The following CISTR variants were observed in gnomAD, a reference collection of about 807,000 sequenced individuals.
The protein encoded by CISTR is chondrogenesis-associated transcript.
chr12:53,752,326 C>A (rs1425303577), intron 1 of CISTR, among the ~76,000 whole-genome samples: 1 of 152,170 alleles, frequency 6.6e-6, no homozygotes, highest in Non-Finnish European at 1.5e-5. Context: ...GAATTTGGCT[C>A]GTGTCCTTCT....
chr12:53,751,560 C>G lies in CISTR; in HGVS notation n.415-595G>C, dbSNP rs1293738141. Among the ~76,000 whole-genome samples, 2 of 152,186 alleles carry G rather than the reference C, an allele frequency of 1.3e-5. No individual in the cohort carries two copies. The highest frequency in any genetic ancestry group is 2.9e-5 in the Non-Finnish European group (2 of 68,030). Reference sequence around the variant, plus strand: ...GGCGCGCAGGACTCCCTGGTGGGCCCTCAGCCTCCTCCGCGCGGCGCGGAC... The same window carrying G: ...GGCGCGCAGGACTCCCTGGTGGGCCGTCAGCCTCCTCCGCGCGGCGCGGAC... On this transcript the variant is annotated intron_variant and non_coding_transcript_variant, in intron 1 of 2. Transcript: ENST00000669269. The surrounding 1 kb of genome is among the most constrained non-coding windows in gnomAD (Gnocchi z 4.6).
intron 1 of CISTR, among the ~76,000 whole-genome samples, chr12:53,754,959 C>T (rs1020295352): frequency 2.6e-5 from 4 of 152,298 alleles, no homozygotes; most frequent in East Asian, 1.9e-4. Context: ...CCTCTCCTGC[C>T]TTTGCACTCC....
At chr12:53,746,627 G>C (rs545089052) in exon 3 of CISTR, among the ~76,000 whole-genome samples, 2 of 152,308 alleles carry the variant, frequency 1.3e-5, no homozygotes, top group East Asian at 3.9e-4. Context: ...AGGGATGCAA[G>C]GATTCCTGAA....
intron 2 of CISTR, among the ~76,000 whole-genome samples, chr12:53,748,010 T>A (rs1026649724): frequency 3.3e-5 from 5 of 152,180 alleles, no homozygotes; most frequent in Non-Finnish European, 5.9e-5. Context: ...CATGTAGATA[T>A]CTGGGTGGGA....
chr12:53,753,079 CACACACACACAGAG>C (rs1390480999), intron 1 of CISTR, among the ~76,000 whole-genome samples: 57 of 124,116 alleles, frequency 4.6e-4, no homozygotes, highest in African/African-American at 6.7e-4. Flanking sequence ...CACACACACA[CACACACACACAGAG>C]AGAGACACAC....
chr12:53,750,334 G>A (rs1279249332), exon 2 of CISTR: 1 of 152,620 alleles, frequency 6.6e-6, no homozygotes, highest in East Asian at 1.9e-4. Context: ...TGATGGTGCT[G>A]AGGCAGGTGA....
intron 1 of CISTR, among the ~76,000 whole-genome samples, chr12:53,752,117 G>A (rs927621390): frequency 6.6e-6 from 1 of 151,790 alleles, no homozygotes; most frequent in African/African-American, 2.4e-5. Context: ...ACCCCCTTGG[G>A]CTCCCCTCCA....
chr12:53,752,741 G>C (rs1937869276), intron 1 of CISTR, among the ~76,000 whole-genome samples: 1 of 152,170 alleles, frequency 6.6e-6, no homozygotes, highest in Non-Finnish European at 1.5e-5. Flanking sequence ...AATGCACTAG[G>C]CTCTGATTGC....
chr12:53,747,545 G>A (rs781303250), intron 2 of CISTR, among the ~76,000 whole-genome samples: 2 of 152,262 alleles, frequency 1.3e-5, no homozygotes, highest in Admixed American at 6.5e-5. Context: ...GGGATTTGGA[G>A]CTGAGATTTG....
intron 1 of CISTR, among the ~76,000 whole-genome samples, chr12:53,754,149 T>A (rs1267226748): frequency 2.0e-5 from 3 of 152,170 alleles, no homozygotes; most frequent in Non-Finnish European, 4.4e-5. Flanking sequence ...GCTTGAGACC[T>A]CTTTCCTGGC....
At chr12:53,748,301 C>T (rs949168738) in intron 2 of CISTR, among the ~76,000 whole-genome samples, 1 of 152,198 alleles carries the variant, frequency 6.6e-6, no homozygotes, top group Non-Finnish European at 1.5e-5. Flanking sequence ...GCGCCAGCGC[C>T]CCCCCAACTC....
At chr12:53,753,809 G>A (rs1408188177) in intron 1 of CISTR, among the ~76,000 whole-genome samples, 1 of 152,090 alleles carries the variant, frequency 6.6e-6, no homozygotes, top group African/African-American at 2.4e-5. Context: ...GAGAGCCTGG[G>A]CTGAGATGTT....
exon 3 of CISTR, among the ~76,000 whole-genome samples, chr12:53,746,712 A>G (rs143880357): frequency 7.2e-5 from 11 of 152,284 alleles, no homozygotes; most frequent in African/African-American, 2.6e-4. Flanking sequence ...CCTTGCCTGG[A>G]TTCCAGACAG....
Position 53,751,056 on chromosome 12 carries a change from T to TCA in CISTR, n.415-93_415-92dup, listed in dbSNP as rs201109510. ...CATGAGCAGCCAAAGGGACGGACAC[T>TCA]CACACACACACACACGCACACACTC... On this transcript the variant is annotated intron_variant and non_coding_transcript_variant, in intron 1 of 2. Coordinates refer to ENST00000669269, the Ensembl canonical transcript of CISTR. This position sits in a 1 kb window ranked among gnomAD's most constrained non-coding sequence, Gnocchi z 4.6. The TCA allele has an allele frequency of 4.0e-4, 60 of 151,360 alleles. No homozygotes were observed. The highest frequency in any genetic ancestry group is 8.2e-4 in the African/African-American group (34 of 41,238). 9.4% of individuals were successfully genotyped at this position (151,360 alleles called of 1,614,324 possible).
intron 2 of CISTR, among the ~76,000 whole-genome samples, chr12:53,749,627 G>A (rs1565658679): frequency 6.6e-6 from 1 of 151,882 alleles, no homozygotes; most frequent in Admixed American, 6.6e-5. Flanking sequence ...CTTTAACATA[G>A]CAGGTTTCAG....
chr12:53,748,870 G>T (rs1461393184), intron 2 of CISTR, among the ~76,000 whole-genome samples: 1 of 152,158 alleles, frequency 6.6e-6, no homozygotes, highest in Non-Finnish European at 1.5e-5. Flanking sequence ...TCAGGTAGAG[G>T]TTGCAGGGGG....
Position 53,751,960 on chromosome 12 carries a change from C to A in CISTR, n.415-995G>T. 6.5e-6 allele frequency: 1 copy of A among 153,268 alleles called. No individual in the cohort carries two copies. The allele number at this position is 153,268 out of a possible 1,614,324, so 9.5% of individuals were successfully genotyped here. On this transcript the variant is annotated intron_variant and non_coding_transcript_variant, in intron 1 of 2. Transcript: ENST00000669269. This position sits in a 1 kb window ranked among gnomAD's most constrained non-coding sequence, Gnocchi z 4.6. ...TTCCTCTTTTTGCCGCAGTCTCCGT[C>A]TCTCTTCCACAGGGTCTCTCCCTCC...
Position 53,751,422 on chromosome 12 carries a change from C to T in CISTR, n.415-457G>A, listed in dbSNP as rs747741768. ...TGTCGCCTCCCACCCCCCTTCCGGC[C>T]GCGGCAGTTTCCGAAATCGCCCGGC... On this transcript the variant is annotated intron_variant and non_coding_transcript_variant, in intron 1 of 2. Coordinates refer to ENST00000669269, the Ensembl canonical transcript of CISTR. The surrounding 1 kb of genome is among the most constrained non-coding windows in gnomAD (Gnocchi z 4.6). Among the ~76,000 whole-genome samples the T allele has an allele frequency of 1.5e-4, 23 of 152,228 alleles. No individual in the cohort carries two copies. Among genetic ancestry groups the T allele is most frequent in the Non-Finnish European group, 2.6e-4 (18 of 68,032 alleles).
chr12:53,752,837 C>G (rs1937870921), intron 1 of CISTR, among the ~76,000 whole-genome samples: 1 of 152,206 alleles, frequency 6.6e-6, no homozygotes, highest in Admixed American at 6.5e-5. Flanking sequence ...GACTGGCACA[C>G]TGGACTGAGC....
Sources: gnomAD v4.1 joint callset for allele counts (sites outside exome capture counted in the v4.1 genomes callset) on GRCh38, gnomAD v4.1.1 for gene constraint, Gnocchi (gnomAD v3.1) non-coding constraint, MANE v1.5 for transcripts, NCBI Gene and HGNC (gene_info 2026-07-23, HGNC 2026-07-21) for gene names.